Variants in SMARCB1 observed in about 807,000 individuals in gnomAD.
The protein encoded by SMARCB1 is SWI/SNF related BAF chromatin remodeling complex subunit B1.
In SMARCB1, 5 loss-of-function variants were observed where a neutral mutation model predicts 49.0. The observed-to-expected ratio is 0.10, with a 90% CI of 0.05 to 0.21. SMARCB1 has a LOEUF of 0.21. Among genes scored for constraint, SMARCB1 ranks in the 10% least tolerant of loss-of-function variants. The pLI is 1.00. For synonymous variants in SMARCB1, 201 were observed against 200.1 expected (o/e 1.00, Z -0.04); for missense variants, 226 against 509.2 (o/e 0.44, Z 5.35).
intron 5 of SMARCB1, among the ~76,000 whole-genome samples, chr22:23,814,411 A>G (rs1930056521): frequency 6.6e-6 from 1 of 152,242 alleles, no homozygotes; most frequent in African/African-American, 2.4e-5. Context: ...TACGTCTGTA[A>G]TCCTAGCACT....
intron 5 of SMARCB1, 98 bp downstream of exon 5, chr22:23,803,520 G>A: frequency 7.1e-7 from 1 of 1,418,266 alleles, no homozygotes; most frequent in Non-Finnish European, 9.8e-7. Context: ...GGCAGATTCT[G>A]GACCTGACAC....
At chr22:23,796,739 G>C (rs1347544654) in intron 3 of SMARCB1, among the ~76,000 whole-genome samples, 1 of 152,146 alleles carries the variant, frequency 6.6e-6, no homozygotes, top group Non-Finnish European at 1.5e-5. Flanking sequence ...ATCTTTTATG[G>C]GGCGATAAAA....
chr22:23,804,335 G>A (rs559458125), intron 5 of SMARCB1: 2 of 152,038 alleles, frequency 1.3e-5, no homozygotes, highest in African/African-American at 4.8e-5. Flanking sequence ...CTCCCAAATA[G>A]CTAGGAATAC....
rs938852821 is a variant in SMARCB1 at position 23,817,122 on chromosome 22, A to T, written c.795+186A>T. 1.4e-5 allele frequency: 9 copies of T among 625,796 alleles called. No individual in the cohort carries two copies. The African/African-American group carries it at 1.5e-4, about 10-fold the overall frequency. 38.8% of individuals were successfully genotyped at this position (625,796 alleles called of 1,614,324 possible). On this transcript the variant is annotated intron_variant, in intron 6 of 8. Transcript: ENST00000644036. ...GGAAGGGCATAGGCTGAGTTCTCAT[A>T]GTAAAGTGTTATATTCCGGACACAT...
At chr22:23,793,454 T>G in intron 2 of SMARCB1, 105 bp from the exon 3 acceptor site, 1 of 1,224,588 alleles carries the variant, frequency 8.2e-7, no homozygotes, top group South Asian at 1.2e-5. Flanking sequence ...ACCTTGCTTT[T>G]CCCACCTCCC....
At chr22:23,818,884 A>G (rs922400285) in intron 6 of SMARCB1, among the ~76,000 whole-genome samples, 5 of 152,216 alleles carry the variant, frequency 3.3e-5, no homozygotes, top group African/African-American at 9.7e-5. Flanking sequence ...TCTGTTGCCC[A>G]GGCTGGAGTG....
intron 3 of SMARCB1, among the ~76,000 whole-genome samples, chr22:23,797,954 C>T (rs1008396275): frequency 2.6e-5 from 4 of 152,166 alleles, no homozygotes; most frequent in Admixed American, 6.5e-5. Flanking sequence ...TTTGCAGATT[C>T]TGTGTATGGC....
At chr22:23,823,528 C>A (rs1277266043) in intron 6 of SMARCB1, 8 of 152,412 alleles carry the variant, frequency 5.2e-5, no homozygotes, top group Admixed American at 3.3e-4. Flanking sequence ...TCGGCTTCCT[C>A]CCTCTGCGTG....
intron 5 of SMARCB1, among the ~76,000 whole-genome samples, chr22:23,813,305 A>C (rs759103848): frequency 4.6e-5 from 7 of 152,272 alleles, no homozygotes; most frequent in Non-Finnish European, 7.3e-5. Context: ...AGAAAAGGAA[A>C]TAAAAGACGT....
At position 23,787,364 on chromosome 22, in the gene SMARCB1, CGG is replaced by C. The variant is rs372743461; in HGVS notation, c.93+104_93+105del. 8,966 of 503,094 alleles carry C rather than the reference CGG, an allele frequency of 0.018. 252 individuals carry two copies. The highest frequency in any genetic ancestry group is 0.12 in the Admixed American group (2,052 of 16,888). 31.2% of individuals were successfully genotyped at this position (503,094 alleles called of 1,614,324 possible). Reference sequence around the variant, plus strand: ...GCGCGTCTCCATTCATCGGGGCGGGCGGGCGCGCGCGCGCGCGCTCGGGGCTG... The same window carrying C: ...GCGCGTCTCCATTCATCGGGGCGGGCGCGCGCGCGCGCGCGCTCGGGGCTG... On this transcript the variant is annotated intron_variant, in intron 1 of 8. Transcript: ENST00000644036.
chr22:23,820,702 T>G (rs955060492), intron 6 of SMARCB1, among the ~76,000 whole-genome samples: 1 of 152,030 alleles, frequency 6.6e-6, no homozygotes, highest in Non-Finnish European at 1.5e-5. Flanking sequence ...GAATACAAAT[T>G]TGTTTCAGTT....
intron 7 of SMARCB1, among the ~76,000 whole-genome samples, chr22:23,828,455 T>TA (rs959726114): frequency 1.3e-5 from 2 of 151,908 alleles, no homozygotes; most frequent in Admixed American, 6.5e-5. Flanking sequence ...GGTCAGGAGT[T>TA]AGAGACAGGC....
intron 7 of SMARCB1, among the ~76,000 whole-genome samples, chr22:23,830,290 G>C (rs1294832976): frequency 6.6e-6 from 1 of 152,168 alleles, no homozygotes; most frequent in Non-Finnish European, 1.5e-5. Flanking sequence ...TGCGATTCCC[G>C]TTTCTCTGGA....
At chr22:23,787,398 G>T in intron 1 of SMARCB1, 136 bp downstream of exon 1, 2 of 460,708 alleles carry the variant, frequency 4.3e-6, no homozygotes, top group Non-Finnish European at 7.7e-6. Context: ...GCTGTGGGGC[G>T]TGGCCTAGTG....
intron 5 of SMARCB1, among the ~76,000 whole-genome samples, chr22:23,814,504 A>G (rs915733952): frequency 2.0e-5 from 3 of 151,838 alleles, no homozygotes; most frequent in Admixed American, 1.3e-4. Context: ...CGTCTCTACT[A>G]AAAATACACA....
Position 23,836,785 on chromosome 22 carries a change from G to A in SMARCB1, c.*2605G>A, listed in dbSNP as rs2031080986. 1 of 1,415,030 alleles carries A rather than the reference G, an allele frequency of 7.1e-7. No individual in the cohort carries two copies. The highest frequency in any genetic ancestry group is 1.5e-5 in the African/African-American group (1 of 68,308). 87.7% of individuals were successfully genotyped at this position (1,415,030 alleles called of 1,614,324 possible). On this transcript the variant is annotated 3_prime_UTR_variant, in exon 9 of 9. Coordinates refer to ENST00000644036, the MANE Select transcript of SMARCB1 (RefSeq NM_003073.5). ...GGCCCTTGCATGGGCCCAGCCTTTA[G>A]GATGGGTTTTTTCTGCCCCAAGTAG...
In SMARCB1 at chr22:23,799,513, T is replaced by TG. The variant is rs71184911; in HGVS notation, c.363-1431_363-1430insG. Among the ~76,000 whole-genome samples the TG allele has an allele frequency of 2.7e-3, 20 of 7,422 alleles. No individual in the cohort carries two copies. The East Asian group carries it at 0.036, about 13-fold the overall frequency. The allele number at this position is 7,422 out of a possible 152,430, so 4.9% of individuals were successfully genotyped here. ...GGCTGGTTTCGAACTCACCTTTTGGTTTTTTTTTTTTTTTTTGAGATGGAG... is the reference window on the plus strand; with the variant it reads ...GGCTGGTTTCGAACTCACCTTTTGGTGTTTTTTTTTTTTTTTTGAGATGGAG... On this transcript the variant is annotated intron_variant, in intron 3 of 8. Transcript: ENST00000644036.
intron 7 of SMARCB1, among the ~76,000 whole-genome samples, chr22:23,833,319 G>C (rs982994852): frequency 3.3e-5 from 5 of 152,218 alleles, no homozygotes; most frequent in Admixed American, 2.6e-4. Context: ...CAGAGACAGA[G>C]AGACGCTGGG....
chr22:23,819,738 CT>C (rs2029975316), intron 6 of SMARCB1, among the ~76,000 whole-genome samples: 1 of 90,594 alleles, frequency 1.1e-5, no homozygotes, highest in African/African-American at 4.7e-5. Flanking sequence ...ACTATACTGC[CT>C]TTCTCGGTGG....
Sources: allele counts gnomAD v4.1 joint callset (sites outside exome capture counted in the v4.1 genomes callset), GRCh38; gene constraint gnomAD v4.1.1; transcripts MANE v1.5; gene names NCBI Gene and HGNC (gene_info 2026-07-23, HGNC 2026-07-21).